MDGA2: variants seen among roughly 807,000 people sequenced by gnomAD.
MDGA2 encodes MAM domain containing glycosylphosphatidylinositol anchor 2, also known as MAM domain-containing glycosylphosphatidylinositol anchor protein 2.
Under a neutral mutation model 117.8 loss-of-function variants are expected in MDGA2, and 40 were observed. The ratio of observed to expected loss-of-function variants is 0.34; its 90% confidence interval spans 0.26 to 0.44. MDGA2 has a LOEUF of 0.44. Ranked by LOEUF, MDGA2 falls within the 20% of genes least tolerant of loss-of-function variation. The pLI, the probability that MDGA2 is intolerant of heterozygous loss-of-function variation, is 1.00. For synonymous variants in MDGA2, 452 were observed against 439.0 expected, an observed-to-expected ratio of 1.03 and a Z score of -0.37; for missense variants, 1,123 against 1,250.6, an observed-to-expected ratio of 0.90 and a Z score of 1.54.
intron 7 of MDGA2, among the ~76,000 whole-genome samples, chr14:47,053,340 T>C (rs2138735362): frequency 6.6e-6 from 1 of 151,872 alleles, no homozygotes; most frequent in South Asian, 2.1e-4. Context: ...TTCCTGATCA[T>C]CAGAACTGAT....
chr14:47,256,957 A>G (rs1887641373), intron 2 of MDGA2, among the ~76,000 whole-genome samples: 1 of 151,870 alleles, frequency 6.6e-6, no homozygotes, highest in Admixed American at 6.6e-5. Flanking sequence ...AAGAAAGGGA[A>G]AGAAAAAAAG....
intron 8 of MDGA2, among the ~76,000 whole-genome samples, chr14:47,005,782 C>T (rs1188219366): frequency 2.0e-5 from 3 of 151,580 alleles, no homozygotes; most frequent in South Asian, 4.2e-4. Flanking sequence ...TTGATACTAA[C>T]TGCTGGGTGG....
chr14:47,340,903 A>C (rs1890601206), intron 1 of MDGA2, among the ~76,000 whole-genome samples: 3 of 152,180 alleles, frequency 2.0e-5, no homozygotes, highest in Admixed American at 6.5e-5. Context: ...ATGTCATAAA[A>C]TTCATCCCGC....
chr14:47,071,260 A>G (rs1890269927), intron 6 of MDGA2, among the ~76,000 whole-genome samples: 1 of 152,140 alleles, frequency 6.6e-6, no homozygotes, highest in Non-Finnish European at 1.5e-5. Context: ...ATCCCTTTAT[A>G]AAGCTATCTT....
chr14:47,021,397 C>T (rs1888281135), intron 8 of MDGA2, among the ~76,000 whole-genome samples: 1 of 152,048 alleles, frequency 6.6e-6, no homozygotes, highest in Non-Finnish European at 1.5e-5. Flanking sequence ...ATTCATCGGG[C>T]ACTGAAATTT....
intron 1 of MDGA2, among the ~76,000 whole-genome samples, chr14:47,473,639 G>C (rs1893775299): frequency 6.6e-6 from 1 of 151,460 alleles, no homozygotes; most frequent in African/African-American, 2.4e-5. Context: ...TATGTAAAAA[G>C]GCTTACAAAG....
chr14:47,157,637 G>GTGTA (rs1555358843), intron 3 of MDGA2, among the ~76,000 whole-genome samples: 1 of 141,972 alleles, frequency 7.0e-6, no homozygotes, highest in African/African-American at 2.6e-5. Flanking sequence ...GTGTGTGTGT[G>GTGTA]TATCTGATAT....
intron 1 of MDGA2, among the ~76,000 whole-genome samples, chr14:47,484,766 C>G (rs565077553): frequency 1.3e-5 from 2 of 152,056 alleles, no homozygotes; most frequent in South Asian, 4.1e-4. Context: ...ATGGCTCTCA[C>G]GAGAGCTGAT....
intron 10 of MDGA2, among the ~76,000 whole-genome samples, chr14:46,917,863 C>T (rs1387560253): frequency 1.3e-5 from 2 of 152,112 alleles, no homozygotes; most frequent in South Asian, 2.1e-4. Context: ...GGATAGTCTG[C>T]TAATGAGTAC....
intron 1 of MDGA2, among the ~76,000 whole-genome samples, chr14:47,353,544 G>A (rs181365951): frequency 1.1e-4 from 17 of 152,222 alleles, no homozygotes; most frequent in Admixed American, 7.8e-4. Context: ...TCTTTTAGGA[G>A]GTGATTAAGT....
At chr14:47,477,868 CCT>C in intron 1 of MDGA2, among the ~76,000 whole-genome samples, 1 of 152,304 alleles carries the variant, frequency 6.6e-6, no homozygotes, top group Middle Eastern at 3.4e-3. Flanking sequence ...ATCAAGCAAA[CCT>C]CTTTCTTTTA....
intron 1 of MDGA2, among the ~76,000 whole-genome samples, chr14:47,403,682 T>A (rs950870289): frequency 2.0e-5 from 3 of 152,176 alleles, no homozygotes; most frequent in African/African-American, 7.2e-5. Flanking sequence ...TCAAATGGAG[T>A]TTGAATTTGC....
At chr14:47,598,901 T>C (rs1176297961) in intron 1 of MDGA2, among the ~76,000 whole-genome samples, 5 of 152,140 alleles carry the variant, frequency 3.3e-5, no homozygotes, top group Admixed American at 2.6e-4. Context: ...AAAGACTTTC[T>C]CCACAGAAAC....
At chr14:47,576,261 C>T (rs1394153505) in intron 1 of MDGA2, among the ~76,000 whole-genome samples, 1 of 152,080 alleles carries the variant, frequency 6.6e-6, no homozygotes, top group Non-Finnish European at 1.5e-5. Context: ...TAAAAATCAG[C>T]TTACTCTAGA....
At chr14:47,366,901 G>GTTTTTTTTTTTTTTTTTTTTTTTTTTTT (rs748665154) in intron 1 of MDGA2, among the ~76,000 whole-genome samples, 6 of 122,832 alleles carry the variant, frequency 4.9e-5, no homozygotes, top group African/African-American at 1.9e-4. Flanking sequence ...ATTACTTTTA[G>GTTTTTTTTTTTTTTTTTTTTTTTTTTTT]TTTGACTTTG....
intron 1 of MDGA2, among the ~76,000 whole-genome samples, chr14:47,433,858 A>G (rs1892846513): frequency 6.6e-6 from 1 of 152,148 alleles, no homozygotes; most frequent in African/African-American, 2.4e-5. Flanking sequence ...TTGAAGCTTC[A>G]CAGAGAATAA....
intron 10 of MDGA2, among the ~76,000 whole-genome samples, chr14:46,907,622 T>TG (rs1276513821): frequency 6.6e-6 from 1 of 152,176 alleles, no homozygotes; most frequent in East Asian, 1.9e-4. Context: ...ACTTATGTGT[T>TG]GCTCTCATTT....
chr14:47,021,080 G>A (rs979546991), intron 8 of MDGA2, among the ~76,000 whole-genome samples: 3 of 151,972 alleles, frequency 2.0e-5, no homozygotes, highest in African/African-American at 7.2e-5. Flanking sequence ...AAACAGACAT[G>A]CAGACAAAAA....
chr14:47,533,710 G>T (rs547541431), intron 1 of MDGA2, among the ~76,000 whole-genome samples: 2 of 152,210 alleles, frequency 1.3e-5, no homozygotes, highest in East Asian at 3.9e-4. Flanking sequence ...TATCACTCCT[G>T]TGTATTTTTA....
Sources: gnomAD v4.1 joint callset for allele counts (sites outside exome capture counted in the v4.1 genomes callset) on GRCh38, gnomAD v4.1.1 for gene constraint, MANE v1.5 for transcripts, NCBI Gene and HGNC (gene_info 2026-07-23, HGNC 2026-07-21) for gene names.